The following RNGTT variants were observed in gnomAD, a reference collection of about 807,000 sequenced individuals.
The protein encoded by RNGTT is mRNA-capping enzyme.
In RNGTT, 33 loss-of-function variants were observed where a neutral mutation model predicts 79.3. That is an observed-to-expected ratio of 0.42 (90% CI 0.32 to 0.56). The LOEUF (loss-of-function observed/expected upper bound fraction) is 0.56, where lower values mean the gene tolerates loss of function less well. RNGTT is among the 20% of genes least tolerant of loss of function. The pLI is 0.17. For missense variants in RNGTT, 497 were observed against 739.1 expected (o/e 0.67, Z 3.80); for synonymous variants, 222 against 235.9 (o/e 0.94, Z 0.54).
chr6:88,946,373 C>T (rs559139809), intron 1 of RNGTT, among the ~76,000 whole-genome samples: 2 of 152,160 alleles, frequency 1.3e-5, no homozygotes, highest in African/African-American at 4.8e-5. Flanking sequence ...GCCATTCCTC[C>T]GTCTCTCTCC....
chr6:88,904,687 A>T (rs751849941), intron 6 of RNGTT, 28 bp downstream of exon 6: 1 of 1,556,662 alleles, frequency 6.4e-7, no homozygotes, highest in Non-Finnish European at 8.6e-7. Flanking sequence ...GGAAAAAAAA[A>T]ACCTATTATA....
intron 11 of RNGTT, among the ~76,000 whole-genome samples, chr6:88,823,624 T>C (rs1276409931): frequency 6.6e-6 from 1 of 152,198 alleles, no homozygotes; most frequent in East Asian, 1.9e-4. Flanking sequence ...GATTACAATT[T>C]ACTCTGAAAT....
At chr6:88,951,408 A>G (rs1785244486) in intron 1 of RNGTT, among the ~76,000 whole-genome samples, 1 of 152,176 alleles carries the variant, frequency 6.6e-6, no homozygotes, top group African/African-American at 2.4e-5. Flanking sequence ...AGAAAGTTCT[A>G]CCATGGCTAA....
chr6:88,653,818 T>C (rs1025482347), intron 14 of RNGTT, among the ~76,000 whole-genome samples: 1 of 152,184 alleles, frequency 6.6e-6, no homozygotes, highest in African/African-American at 2.4e-5. Flanking sequence ...TACCAGCAAC[T>C]GGGCTAAATG....
intron 1 of RNGTT, among the ~76,000 whole-genome samples, chr6:88,958,058 C>T (rs1785493313): frequency 6.6e-6 from 1 of 152,090 alleles, no homozygotes; most frequent in Non-Finnish European, 1.5e-5. Context: ...GAATAGAGAA[C>T]CCAGAAAGAA....
chr6:88,616,325 T>C (rs1024616314), intron 14 of RNGTT, among the ~76,000 whole-genome samples: 10 of 152,208 alleles, frequency 6.6e-5, no homozygotes, highest in African/African-American at 2.4e-4. Context: ...GGTGTGAAAA[T>C]ATCTCTTTGA....
chr6:88,722,327 T>C (rs1330329663), intron 13 of RNGTT, among the ~76,000 whole-genome samples: 1 of 152,036 alleles, frequency 6.6e-6, no homozygotes, highest in Non-Finnish European at 1.5e-5. Context: ...CTACAACATG[T>C]AACAGAGTGT....
At chr6:88,902,199 T>A (rs1783494328) in intron 6 of RNGTT, among the ~76,000 whole-genome samples, 1 of 148,422 alleles carries the variant, frequency 6.7e-6, no homozygotes, top group Admixed American at 6.7e-5. Context: ...TAAAAAAAAA[T>A]AAAAATAAAA....
At chr6:88,716,346 G>T (rs1299988389) in intron 13 of RNGTT, among the ~76,000 whole-genome samples, 1 of 151,938 alleles carries the variant, frequency 6.6e-6, no homozygotes, top group African/African-American at 2.4e-5. Context: ...TGGAGAAATA[G>T]GAACACTTTT....
At chr6:88,883,679 A>G (rs1363207241) in intron 8 of RNGTT, among the ~76,000 whole-genome samples, 2 of 152,208 alleles carry the variant, frequency 1.3e-5, no homozygotes, top group Non-Finnish European at 2.9e-5. Context: ...AAAAAATCAA[A>G]CCATACAAAT....
chr6:88,783,154 C>T (rs1269741461), intron 12 of RNGTT, among the ~76,000 whole-genome samples: 2 of 152,078 alleles, frequency 1.3e-5, no homozygotes, highest in East Asian at 1.9e-4. Context: ...AAATGCCCTG[C>T]GATGGATGAA....
chr6:88,860,824 TAA>T (rs74369850), intron 8 of RNGTT, among the ~76,000 whole-genome samples: 3 of 138,260 alleles, frequency 2.2e-5, no homozygotes, highest in Non-Finnish European at 1.6e-5. Context: ...TTTTTTAACT[TAA>T]AAAAAAAAAA....
At chr6:88,760,264 GCTGAATGCAGGAA>G (rs1238033640) in intron 13 of RNGTT, among the ~76,000 whole-genome samples, 2 of 152,120 alleles carry the variant, frequency 1.3e-5, no homozygotes, top group Admixed American at 1.3e-4. Flanking sequence ...AAGATTTTCT[GCTGAATGCAGGAA>G]GGATGAAATA....
chr6:88,815,306 G>A (rs898637053), intron 11 of RNGTT, among the ~76,000 whole-genome samples: 5 of 152,164 alleles, frequency 3.3e-5, no homozygotes, highest in African/African-American at 1.2e-4. Flanking sequence ...ACAACCAGAA[G>A]CTTTGCTTTT....
At chr6:88,826,557 G>A (rs1780660747) in intron 11 of RNGTT, among the ~76,000 whole-genome samples, 1 of 151,952 alleles carries the variant, frequency 6.6e-6, no homozygotes, top group Non-Finnish European at 1.5e-5. Flanking sequence ...GACAAGATGG[G>A]CAGATCACCT....
intron 13 of RNGTT, among the ~76,000 whole-genome samples, chr6:88,704,358 T>C (rs1422119563): frequency 6.6e-6 from 1 of 151,798 alleles, no homozygotes; most frequent in Middle Eastern, 3.2e-3. Flanking sequence ...TTTTGTTTAA[T>C]TACCAGAGTA....
intron 13 of RNGTT, among the ~76,000 whole-genome samples, chr6:88,747,120 T>G (rs912828995): frequency 1.3e-5 from 2 of 152,134 alleles, no homozygotes; most frequent in African/African-American, 2.4e-5. Flanking sequence ...AAAGAAAAGC[T>G]CTAGGAACTT....
intron 13 of RNGTT, 43 bp downstream of exon 13, chr6:88,769,731 A>T: frequency 8.3e-7 from 1 of 1,200,858 alleles, no homozygotes; most frequent in Non-Finnish European, 1.2e-6. Context: ...GCCTTACACA[A>T]ACAGTATTAT....
intron 13 of RNGTT, among the ~76,000 whole-genome samples, chr6:88,756,281 T>C (rs985204172): frequency 1.3e-5 from 2 of 152,020 alleles, no homozygotes; most frequent in African/African-American, 4.8e-5. Flanking sequence ...AAGACCAGCC[T>C]GGCCAACACG....
Sources: allele counts gnomAD v4.1 joint callset (sites outside exome capture counted in the v4.1 genomes callset), GRCh38; gene constraint gnomAD v4.1.1; transcripts MANE v1.5; gene names NCBI Gene and HGNC (gene_info 2026-07-23, HGNC 2026-07-21).